ARHGAP15: variants seen among roughly 807,000 people sequenced by gnomAD.
ARHGAP15 encodes rho GTPase-activating protein 15.
ARHGAP15 carries 51 observed loss-of-function variants against 63.7 expected under a neutral mutation model. The ratio of observed to expected loss-of-function variants is 0.80; its 90% confidence interval spans 0.64 to 1.01. The LOEUF (loss-of-function observed/expected upper bound fraction) is 1.01, where lower values mean the gene tolerates loss of function less well. Ranked by LOEUF, ARHGAP15 falls within the 50% of genes least tolerant of loss-of-function variation. ARHGAP15 has a pLI of 0.00. For synonymous variants in ARHGAP15, 191 were observed against 193.8 expected, an observed-to-expected ratio of 0.99 and a Z score of 0.12; for missense variants, 560 against 564.6, an observed-to-expected ratio of 0.99 and a Z score of 0.08.
intron 6 of ARHGAP15, among the ~76,000 whole-genome samples, chr2:143,315,406 ATAT>A (rs553055079): frequency 3.3e-5 from 5 of 152,298 alleles, no homozygotes; most frequent in East Asian, 3.9e-4. Context: ...TAGAATCATG[ATAT>A]TATTATAATA....
intron 5 of ARHGAP15, among the ~76,000 whole-genome samples, chr2:143,234,904 T>C (rs1238895113): frequency 6.6e-6 from 1 of 152,218 alleles, no homozygotes; most frequent in Non-Finnish European, 1.5e-5. Flanking sequence ...CCACTGTCTT[T>C]TCAGACTTTC....
chr2:143,257,880 T>C (rs1399003178), intron 6 of ARHGAP15, among the ~76,000 whole-genome samples: 2 of 152,134 alleles, frequency 1.3e-5, no homozygotes, highest in Non-Finnish European at 2.9e-5. Flanking sequence ...TTTAATCTCA[T>C]TTATAAAGTA....
At chr2:143,531,502 AG>A in intron 10 of ARHGAP15, among the ~76,000 whole-genome samples, 1 of 152,194 alleles carries the variant, frequency 6.6e-6, no homozygotes, top group Non-Finnish European at 1.5e-5. Flanking sequence ...GCAGGTTTAT[AG>A]GGTAAGAAAA....
intron 6 of ARHGAP15, among the ~76,000 whole-genome samples, chr2:143,277,571 G>A (rs1056293006): frequency 6.6e-6 from 1 of 151,784 alleles, no homozygotes; most frequent in Non-Finnish European, 1.5e-5. Flanking sequence ...AGACTGTACT[G>A]CCCTGCTTTG....
At chr2:143,538,872 T>C (rs1694905663) in intron 10 of ARHGAP15, among the ~76,000 whole-genome samples, 1 of 152,238 alleles carries the variant, frequency 6.6e-6, no homozygotes, top group Non-Finnish European at 1.5e-5. Context: ...CAGGCTTTGG[T>C]ATCAGGACGA....
intron 10 of ARHGAP15, among the ~76,000 whole-genome samples, chr2:143,542,222 G>T (rs1395438024): frequency 6.6e-6 from 1 of 152,204 alleles, no homozygotes; most frequent in Non-Finnish European, 1.5e-5. Context: ...TAAGCCCATT[G>T]GAAGAGCACA....
chr2:143,164,623 G>A (rs1690427972), intron 2 of ARHGAP15, among the ~76,000 whole-genome samples: 1 of 152,004 alleles, frequency 6.6e-6, no homozygotes, highest in South Asian at 2.1e-4. Context: ...AGGACAGAAT[G>A]TTTGGGGAAA....
chr2:143,320,986 C>T (rs1683993261), intron 6 of ARHGAP15, among the ~76,000 whole-genome samples: 1 of 152,120 alleles, frequency 6.6e-6, no homozygotes, highest in Admixed American at 6.5e-5. Flanking sequence ...CAGGCTTTTG[C>T]CCGGGGCCTA....
intron 2 of ARHGAP15, among the ~76,000 whole-genome samples, chr2:143,164,197 G>A (rs1173938464): frequency 6.6e-6 from 1 of 151,994 alleles, no homozygotes; most frequent in Non-Finnish European, 1.5e-5. Flanking sequence ...GTGTTAGGAA[G>A]CATTAAAGTA....
chr2:143,273,514 T>C (rs909907293), intron 6 of ARHGAP15, among the ~76,000 whole-genome samples: 4 of 152,196 alleles, frequency 2.6e-5, no homozygotes, highest in Admixed American at 2.6e-4. Flanking sequence ...TAAATGGTTT[T>C]ATAGTATAAA....
At chr2:143,318,100 G>A (rs1340458720) in intron 6 of ARHGAP15, among the ~76,000 whole-genome samples, 2 of 151,892 alleles carry the variant, frequency 1.3e-5, no homozygotes, top group East Asian at 1.9e-4. Context: ...CCGGGTTCAA[G>A]CAATTCTCTT....
intron 12 of ARHGAP15, among the ~76,000 whole-genome samples, chr2:143,670,270 G>A (rs1213220063): frequency 1.3e-5 from 2 of 152,044 alleles, no homozygotes; most frequent in African/African-American, 4.8e-5. Context: ...GACCTCACCT[G>A]TTTCTCTGTA....
At chr2:143,319,702 T>C (rs1683910829) in intron 6 of ARHGAP15, among the ~76,000 whole-genome samples, 1 of 152,240 alleles carries the variant, frequency 6.6e-6, no homozygotes, top group African/African-American at 2.4e-5. Flanking sequence ...CCATTTTGTC[T>C]GTTGCCCAAA....
At chr2:143,626,479 A>G (rs568046189) in intron 12 of ARHGAP15, among the ~76,000 whole-genome samples, 2 of 152,294 alleles carry the variant, frequency 1.3e-5, no homozygotes, top group African/African-American at 4.8e-5. Flanking sequence ...AAGATGGCAC[A>G]GACCCAAAGA....
At chr2:143,559,743 ATGTGGCCCTC>A (rs1695947899) in intron 11 of ARHGAP15, among the ~76,000 whole-genome samples, 1 of 152,322 alleles carries the variant, frequency 6.6e-6, no homozygotes, top group Admixed American at 6.5e-5. Context: ...GTAAGTGTAC[ATGTGGCCCTC>A]TGTGGCCCTC....
intron 8 of ARHGAP15, among the ~76,000 whole-genome samples, chr2:143,471,007 TAAAG>T (rs145441368): frequency 0.3 from 39,120 of 132,128 alleles, 6,289 homozygotes; most frequent in Non-Finnish European, 0.4. Context: ...TGTGTATAGA[TAAAG>T]AAGATATGAA....
In ARHGAP15 at chr2:143,759,867, A is replaced by T. The variant is rs570294565; in HGVS notation, c.1245-8122A>T. 1.9e-4 allele frequency among the ~76,000 whole-genome samples: 29 copies of T among 152,306 alleles called. No homozygotes were observed. The East Asian group carries it at 4.6e-3, about 24-fold the overall frequency. ...AAATGAAGGCAGCCTGGCCTTGCCC[A>T]ATATTCAATAAAAGAGAATCTCTGG... On this transcript the variant is annotated intron_variant, in intron 13 of 13. Coordinates refer to ENST00000295095, the MANE Select transcript of ARHGAP15 (RefSeq NM_018460.4).
chr2:143,604,619 C>T (rs1157501958), intron 11 of ARHGAP15, among the ~76,000 whole-genome samples: 1 of 152,112 alleles, frequency 6.6e-6, no homozygotes, highest in Admixed American at 6.6e-5. Flanking sequence ...CTTCAAGATG[C>T]AGCTTCAGTA....
chr2:143,441,467 T>C (rs903616153), intron 8 of ARHGAP15, among the ~76,000 whole-genome samples: 5 of 152,244 alleles, frequency 3.3e-5, no homozygotes, highest in Admixed American at 1.3e-4. Flanking sequence ...GCCATCTCAC[T>C]ATTCCTTTAC....
Sources: gnomAD v4.1 joint callset for allele counts (sites outside exome capture counted in the v4.1 genomes callset) on GRCh38, gnomAD v4.1.1 for gene constraint, MANE v1.5 for transcripts, NCBI Gene and HGNC (gene_info 2026-07-23, HGNC 2026-07-21) for gene names.